OPRM1: variants seen among roughly 807,000 people sequenced by gnomAD.
OPRM1 encodes the protein opioid receptor mu 1.
A neutral mutation model predicts 31.8 loss-of-function variants in OPRM1; 27 were observed. The ratio of observed to expected loss-of-function variants is 0.85; its 90% CI spans 0.63 to 1.17. The LOEUF is 1.17. Ranked by LOEUF, OPRM1 falls within the 50% of genes most tolerant of loss-of-function variation. The pLI is 0.00. For missense variants in OPRM1, 536 were observed against 511.1 expected, an observed-to-expected ratio of 1.05 and a Z score of -0.47; for synonymous variants, 196 against 189.9, an observed-to-expected ratio of 1.03 and a Z score of -0.26.
At chr6:154,015,340 G>T (rs1777944417) in intron 1 of OPRM1, among the ~76,000 whole-genome samples, 2 of 151,784 alleles carry the variant, frequency 1.3e-5, no homozygotes, top group Non-Finnish European at 2.9e-5. Flanking sequence ...AAATCAACTT[G>T]GTTACATATA....
intron 3 of OPRM1, among the ~76,000 whole-genome samples, chr6:154,174,862 A>C (rs1048147777): frequency 2.0e-5 from 3 of 152,190 alleles, no homozygotes; most frequent in Non-Finnish European, 4.4e-5. Flanking sequence ...AAATCAACAG[A>C]ATATAGATTT....
At chr6:154,079,486 T>A (rs561844661) in intron 1 of OPRM1, among the ~76,000 whole-genome samples, 1 of 152,146 alleles carries the variant, frequency 6.6e-6, no homozygotes, top group South Asian at 2.1e-4. Context: ...GAGCCAGAGC[T>A]GAGAAGTGAG....
At chr6:154,142,833 G>A (rs483481) in intron 3 of OPRM1, among the ~76,000 whole-genome samples, 60,050 of 151,996 alleles carry the variant, frequency 0.4, 12,151 homozygotes, top group Admixed American at 0.49. Context: ...ACCTTCCACT[G>A]CTCACACTTG....
chr6:154,015,393 T>C (rs937280067), intron 1 of OPRM1, among the ~76,000 whole-genome samples: 1 of 152,090 alleles, frequency 6.6e-6, no homozygotes, highest in African/African-American at 2.4e-5. Context: ...AGATGGAATC[T>C]CAAGTCTAAA....
chr6:154,097,586 C>CATGT (rs1554274451), intron 3 of OPRM1, among the ~76,000 whole-genome samples: 1 of 149,612 alleles, frequency 6.7e-6, no homozygotes, highest in African/African-American at 2.5e-5. Context: ...AAAATGGTTC[C>CATGT]GTGTGTGTGT....
At chr6:154,186,510 G>C (rs1040791749) in intron 3 of OPRM1, among the ~76,000 whole-genome samples, 1 of 152,034 alleles carries the variant, frequency 6.6e-6, no homozygotes, top group African/African-American at 2.4e-5. Context: ...TTTCGCAGAT[G>C]CTCCCTCATG....
chr6:154,037,756 T>C (rs994182091), upstream of OPRM1, among the ~76,000 whole-genome samples: 1 of 152,136 alleles, frequency 6.6e-6, no homozygotes, highest in Non-Finnish European at 1.5e-5. Flanking sequence ...TCGCCTTTTT[T>C]AAGTAATGAG....
chr6:154,100,092 C>G (rs1794450554), intron 3 of OPRM1, among the ~76,000 whole-genome samples: 1 of 58,554 alleles, frequency 1.7e-5, no homozygotes, highest in Admixed American at 2.3e-4. Context: ...TATATATTAT[C>G]ATATTATGAT....
At chr6:154,064,793 G>T (rs1227228720) in intron 1 of OPRM1, among the ~76,000 whole-genome samples, 1 of 152,062 alleles carries the variant, frequency 6.6e-6, no homozygotes, top group Non-Finnish European at 1.5e-5. Context: ...AAAATCATTT[G>T]GGCATGTAGG....
chr6:154,224,166 G>A (rs12216449), intron 3 of OPRM1, among the ~76,000 whole-genome samples: 12,321 of 152,228 alleles, frequency 0.081, 989 homozygotes, highest in East Asian at 0.41. Flanking sequence ...ATTGGGAGAT[G>A]AGTAAAAATG....
intron 1 of OPRM1, chr6:154,046,916 T>A (rs757258585): frequency 5.3e-5 from 8 of 152,210 alleles, no homozygotes; most frequent in Non-Finnish European, 8.8e-5. Context: ...AGCAATACAA[T>A]CTGGAGGAAA....
chr6:154,082,285 TA>T (rs1384080306), intron 1 of OPRM1, among the ~76,000 whole-genome samples: 1 of 152,194 alleles, frequency 6.6e-6, no homozygotes, highest in Non-Finnish European at 1.5e-5. Flanking sequence ...CTGAATGGAT[TA>T]TTTTTTTCTA....
intron 3 of OPRM1, among the ~76,000 whole-genome samples, chr6:154,140,040 G>T (rs1798156824): frequency 6.6e-6 from 1 of 152,154 alleles, no homozygotes; most frequent in African/African-American, 2.4e-5. Context: ...GAGAAAACCA[G>T]AACGGAGGGC....
At chr6:154,165,501 C>T (rs1423178783) in intron 3 of OPRM1, among the ~76,000 whole-genome samples, 1 of 152,198 alleles carries the variant, frequency 6.6e-6, no homozygotes, top group Non-Finnish European at 1.5e-5. Context: ...CTCCTACCTC[C>T]TGAGATTAAT....
At chr6:154,102,785 T>A (rs1377846231) in intron 3 of OPRM1, among the ~76,000 whole-genome samples, 1 of 152,152 alleles carries the variant, frequency 6.6e-6, no homozygotes, top group African/African-American at 2.4e-5. Flanking sequence ...AACATTAAGG[T>A]CCAATTAGTT....
intron 3 of OPRM1, among the ~76,000 whole-genome samples, chr6:154,118,370 AAG>A (rs1179559937): frequency 2.0e-5 from 3 of 152,214 alleles, no homozygotes; most frequent in African/African-American, 4.8e-5. Flanking sequence ...AGGGTAAAAA[AAG>A]GGGGAGAAAG....
In OPRM1 at chr6:154,076,785, C is replaced by T. The variant is rs183834891; in HGVS notation, c.291-13041C>T. Among the ~76,000 whole-genome samples, 290 of 152,318 alleles carry T rather than the reference C, an allele frequency of 1.9e-3. 3 individuals carry two copies. Among genetic ancestry groups the T allele is most frequent in the East Asian group, 1.5e-3 (8 of 5,186 alleles). ...ATGTTTCTTTGCTAAATTTACTTTC[C>T]TGTTCTCTTCTCTTCTAGATCTCTC... On this transcript the variant is annotated intron_variant, in intron 1 of 3. Coordinates refer to ENST00000330432, the MANE Select transcript of OPRM1 (RefSeq NM_000914.5).
intron 3 of OPRM1, among the ~76,000 whole-genome samples, chr6:154,104,779 G>A (rs1244680532): frequency 6.6e-6 from 1 of 152,136 alleles, no homozygotes; most frequent in Non-Finnish European, 1.5e-5. Flanking sequence ...TTTTAAATTG[G>A]CTTTGATGGA....
chr6:154,036,665 T>C (rs1372237793), upstream of OPRM1, among the ~76,000 whole-genome samples: 1 of 151,954 alleles, frequency 6.6e-6, no homozygotes, highest in Non-Finnish European at 1.5e-5. Flanking sequence ...AACGTCTTCA[T>C]TAAGGTTTTC....
Sources: gnomAD v4.1 joint callset for allele counts (sites outside exome capture counted in the v4.1 genomes callset) on GRCh38, gnomAD v4.1.1 for gene constraint, MANE v1.5 for transcripts, NCBI Gene and HGNC (gene_info 2026-07-23, HGNC 2026-07-21) for gene names.